The following IKBKE variants were observed in gnomAD, a reference collection of about 807,000 sequenced individuals.
IKBKE encodes inhibitor of nuclear factor kappa-B kinase subunit epsilon.
IKBKE carries 45 observed loss-of-function variants against 92.1 expected under a neutral mutation model. That is an observed-to-expected ratio of 0.49 (90% CI 0.38 to 0.63). The LOEUF (loss-of-function observed/expected upper bound fraction) is 0.63, where lower values mean the gene tolerates loss of function less well. Among genes scored for constraint, IKBKE ranks in the 20% least tolerant of loss-of-function variants. The probability of loss-of-function intolerance (pLI) is 0.00; values close to 1 mark genes in which losing one functional copy is unlikely to be tolerated. For synonymous variants in IKBKE, 374 were observed against 380.3 expected (o/e 0.98, Z 0.19); for missense variants, 700 against 932.8 (o/e 0.75, Z 3.25).
Position 206,487,813 on chromosome 1 carries a change from T to A in IKBKE, c.1617-101T>A. 1.1e-6 allele frequency: 1 copy of A among 889,606 alleles called. No individual in the cohort carries two copies. The highest frequency in any genetic ancestry group is 2.1e-5 in the Admixed American group (1 of 48,354). 55.1% of individuals were successfully genotyped at this position (889,606 alleles called of 1,614,324 possible). A position where few individuals can be genotyped will look rare whatever the true frequency, so the allele number is the denominator to read the frequency against. The stretch of plus-strand genomic sequence containing the variant: ...GACTGATCCCCCAAAACTGTGGCTG[T>A]GAGGCTCCTCCCCTATTCCACTGCC... On this transcript the variant is annotated intron_variant, in intron 15 of 21. Coordinates refer to ENST00000581977, the MANE Select transcript of IKBKE (RefSeq NM_014002.4). The surrounding 1 kb of genome is among the most constrained non-coding windows in gnomAD (Gnocchi z 5.3).
rs10836 is a variant in IKBKE, at chr1:206,496,836, G to C, written c.*691G>C. 0.44 allele frequency: 101,470 copies of C among 229,320 alleles called. 22,902 individuals are homozygous for C. Among genetic ancestry groups the C allele is most frequent in the South Asian group, 0.58 (3,176 of 5,486 alleles). The allele number at this position is 229,320 out of a possible 1,614,324, so 14.2% of individuals were successfully genotyped here. A position where few individuals can be genotyped will look rare whatever the true frequency, so the allele number is the denominator to read the frequency against. ...GCAGCCAGGACTGTGAGTCTGGGCA[G>C]GTCCAAGGCCTGCACCTTCAAGAAG... is the stretch of plus-strand genomic sequence containing the variant. On this transcript the variant is annotated 3_prime_UTR_variant, in exon 22 of 22. Coordinates refer to ENST00000581977, the MANE Select transcript of IKBKE (RefSeq NM_014002.4).
chr1:206,472,968 C>T (rs2274902), intron 2 of IKBKE: 204,655 of 473,822 alleles, frequency 0.43, 46,081 homozygotes, highest in Middle Eastern at 0.57. Context: ...GAACAGGTGC[C>T]GGCTGTGGGC....
intron 13 of IKBKE, among the ~76,000 whole-genome samples, chr1:206,484,683 T>C (rs1281329414): frequency 6.6e-6 from 1 of 152,232 alleles, no homozygotes; most frequent in African/African-American, 2.4e-5. Context: ...TCCCTTTAGT[T>C]ACAAAGTTTC....
chr1:206,492,149 C>G (rs1392275509), intron 18 of IKBKE: 2 of 312,928 alleles, frequency 6.4e-6, no homozygotes, highest in Non-Finnish European at 1.2e-5. Flanking sequence ...TTCTTTCTAC[C>G]GTTCCACCTG....
Position 206,478,402 on chromosome 1 carries a change from CA to C in IKBKE, c.992+66del, listed in dbSNP as rs1665189037. 2.0e-6 allele frequency: 3 copies of C among 1,498,884 alleles called. No individual in the cohort carries two copies. The South Asian group carries it at 3.4e-5, about 17-fold the overall frequency. 92.8% of individuals were successfully genotyped at this position (1,498,884 alleles called of 1,614,324 possible). A position where few individuals can be genotyped will look rare whatever the true frequency, so the allele number is the denominator to read the frequency against. Reference sequence around the variant, plus strand: ...CTCTACCCAAGCAGCAGTGCATGTCCAAAGCAGCATCTCCCACAGTACGTTC... The same window carrying C: ...CTCTACCCAAGCAGCAGTGCATGTCCAAGCAGCATCTCCCACAGTACGTTC... On this transcript the variant is annotated intron_variant, in intron 9 of 21. Transcript: ENST00000581977. The surrounding 1 kb of genome is among the most constrained non-coding windows in gnomAD (Gnocchi z 4.8).
chr1:206,474,962 A>T lies in IKBKE; in HGVS notation c.326A>T (p.Glu109Val), dbSNP rs1553384881. Reference protein sequence around the residue: ...ESPENAFGLPEDEFLVVLRCV... With the variant: ...ESPENAFGLPVDEFLVVLRCV... ...CCTGAGAATGCCTTTGGGCTGCCTG[A>T]GGATGAGTTCCTGGTGGTGCTGCGC... The change falls in exon 5 of 22, where the codon GAG becomes GTG. Residue 109 changes from glutamate to valine, a missense_variant. Physicochemically the swap from Glu to Val is moderately radical, Grantham distance 121 (BLOSUM62 -2). Coordinates refer to ENST00000581977, the MANE Select transcript of IKBKE (RefSeq NM_014002.4). 1 of 1,614,070 alleles carries T rather than the reference A, an allele frequency of 6.2e-7. No individual in the cohort carries two copies. Among genetic ancestry groups the T allele is most frequent in the Non-Finnish European group, 8.5e-7 (1 of 1,180,012 alleles).
chr1:206,474,458 C>T lies in IKBKE; in HGVS notation c.215C>T (p.Ala72Val), dbSNP rs782361671. 23 of 1,613,302 alleles carry T rather than the reference C, an allele frequency of 1.4e-5. No homozygotes were observed. In the South Asian group the frequency reaches 1.5e-4, roughly 11 times the overall value. ...LNHQNIVKLF[A>V]VEETGGSRQK... ...CACCAGAACATTGTCAAGCTCTTTG[C>T]GGTGGAGGAGACGGTAGGTCCGGTG... is the stretch of plus-strand genomic sequence containing the variant. Residue 72 changes from alanine (A) to valine (V), a missense_variant, in exon 4 of 22, where the codon GCG (alanine) becomes GTG (valine). Ala to Val is a moderately conservative substitution (Grantham distance 64, BLOSUM62 0). Coordinates refer to ENST00000581977, the MANE Select transcript of IKBKE (RefSeq NM_014002.4).
chr1:206,492,704 C>T (rs1490280071), intron 18 of IKBKE: 5 of 534,744 alleles, frequency 9.4e-6, no homozygotes, highest in East Asian at 4.7e-5. Context: ...GTGGGCTATC[C>T]TCTGCCTCTC....
At chr1:206,494,663 G>A (rs2103487938) in intron 21 of IKBKE, among the ~76,000 whole-genome samples, 1 of 138,612 alleles carries the variant, frequency 7.2e-6, no homozygotes, top group African/African-American at 2.8e-5. Flanking sequence ...GAGTGCAGTG[G>A]TACTGTGTCG....
intron 5 of IKBKE, among the ~76,000 whole-genome samples, chr1:206,475,487 C>A (rs1442709591): frequency 2.6e-5 from 4 of 152,194 alleles, no homozygotes; most frequent in Non-Finnish European, 5.9e-5. Flanking sequence ...GTAATCCCAG[C>A]ACTTTGGGAG....
Position 206,494,095 on chromosome 1 carries a change from C to T in IKBKE, c.2117+104C>T, listed in dbSNP as rs1164389423. On this transcript the variant is annotated intron_variant, in intron 21 of 21. Transcript: ENST00000581977. The stretch of plus-strand genomic sequence containing the variant: ...GCCTGCCCATGCAGGTTTGATGACA[C>T]GTGTCCATTTTCGAAGAAGCCCTGT... 21 of 924,092 alleles carry T rather than the reference C, an allele frequency of 2.3e-5. No individual in the cohort carries two copies. The East Asian group carries it at 4.5e-4, about 20-fold the overall frequency. The allele number at this position is 924,092 out of a possible 1,614,324, so 57.2% of individuals were successfully genotyped here.
chr1:206,477,672 G>A (rs1665141365), intron 7 of IKBKE, 77 bp from the exon 8 acceptor site: 1 of 832,204 alleles, frequency 1.2e-6, no homozygotes, highest in African/African-American at 1.7e-5. Context: ...TGTGCTCCGA[G>A]CCCTTTGTGC....
At position 206,490,687 on chromosome 1, in the gene IKBKE, G is replaced by T. The variant is rs1482393825; in HGVS notation, c.1694-132G>T. On this transcript the variant is annotated intron_variant, in intron 16 of 21. Transcript: ENST00000581977. The surrounding 1 kb of genome is among the most constrained non-coding windows in gnomAD (Gnocchi z 5.2). ...TTCACTCCTCTGCCCCTCCTGCTCCGCTGGGCGGTGAGTTCCCGTGAAGCA... is the reference window on the plus strand; with the variant it reads ...TTCACTCCTCTGCCCCTCCTGCTCCTCTGGGCGGTGAGTTCCCGTGAAGCA... 9 of 875,070 alleles carry T rather than the reference G, an allele frequency of 1.0e-5. No homozygotes were observed. Among genetic ancestry groups the T allele is most frequent in the East Asian group, 2.5e-5 (1 of 40,450 alleles). 54.2% of individuals were successfully genotyped at this position (875,070 alleles called of 1,614,324 possible). A position where few individuals can be genotyped will look rare whatever the true frequency, so the allele number is the denominator to read the frequency against.
chr1:206,491,411 C>T (rs1400037406), intron 17 of IKBKE: 1 of 456,030 alleles, frequency 2.2e-6, no homozygotes, highest in African/African-American at 2.0e-5. Context: ...CCCTGAGGAC[C>T]CCCTGTGTGT....
At chr1:206,474,518 T>C (rs1214242152) in intron 4 of IKBKE, 47 bp downstream of exon 4, 2 of 1,549,798 alleles carry the variant, frequency 1.3e-6, no homozygotes. Context: ...TTGACCCTTA[T>C]GGTCTGGGGA....
Position 206,478,908 on chromosome 1 carries a change from C to T in IKBKE, c.993-35C>T. 1 of 1,589,532 alleles carries T rather than the reference C, an allele frequency of 6.3e-7. No individual in the cohort carries two copies. The highest frequency in any genetic ancestry group is 8.6e-7 in the Non-Finnish European group (1 of 1,157,918). ...GCCCCCTGCCTTGCCTACTGACACC[C>T]CCTGCCCTCTGCTCCCCACCACGGC... On this transcript the variant is annotated intron_variant, in intron 9 of 21. Coordinates refer to ENST00000581977, the MANE Select transcript of IKBKE (RefSeq NM_014002.4). The surrounding 1 kb of genome is among the most constrained non-coding windows in gnomAD (Gnocchi z 4.8).
At chr1:206,484,449 C>T (rs1665550673) in intron 13 of IKBKE, among the ~76,000 whole-genome samples, 1 of 152,198 alleles carries the variant, frequency 6.6e-6, no homozygotes, top group Non-Finnish European at 1.5e-5. Flanking sequence ...AAGAAAGAAG[C>T]AGAGTGGTGT....
chr1:206,484,925 C>A, intron 13 of IKBKE, 72 bp from the exon 14 acceptor site: 1 of 1,223,736 alleles, frequency 8.2e-7, no homozygotes. Context: ...CATGTGCCAA[C>A]AGAGCTCTCT....
At chr1:206,474,227 C>A in intron 3 of IKBKE, 104 bp from the exon 4 acceptor site, 4 of 1,154,354 alleles carry the variant, frequency 3.5e-6, no homozygotes, top group South Asian at 1.5e-5. Context: ...TTGGGCTGGC[C>A]GGAGAGGCTG....
Sources: allele counts gnomAD v4.1 joint callset (sites outside exome capture counted in the v4.1 genomes callset), GRCh38; gene constraint gnomAD v4.1.1; non-coding constraint Gnocchi (gnomAD v3.1); transcripts MANE v1.5; gene names NCBI Gene and HGNC (gene_info 2026-07-23, HGNC 2026-07-21).